The following ROBO2 variants were observed in gnomAD, a reference collection of about 807,000 sequenced individuals.
ROBO2 encodes the protein roundabout homolog 2.
In ROBO2, 53 loss-of-function variants were observed where a neutral mutation model predicts 160.8. That is an observed-to-expected ratio of 0.33 (90% CI 0.26 to 0.41). The LOEUF (loss-of-function observed/expected upper bound fraction) is 0.41. Ranked by LOEUF, ROBO2 falls within the 10% of genes least tolerant of loss-of-function variation. The pLI, the probability that ROBO2 is intolerant of heterozygous loss-of-function variation, is 1.00. For missense variants in ROBO2, 1,577 were observed against 1,722.4 expected (o/e 0.92, Z 1.49); for synonymous variants, 664 against 611.7 (o/e 1.09, Z -1.26).
rs185252484 is a variant in ROBO2, at chr3:76,021,138, G to A, written c.109+83536G>A. On this transcript the variant is annotated intron_variant, in intron 2 of 26. Coordinates refer to the ROBO2 transcript ENST00000487694. ...GCAAATTTCCAAAACAGAGAAAGAA[G>A]GGTAACAGTGTGAATCTCTCTATGA... Among the ~76,000 whole-genome samples the A allele has an allele frequency of 2.0e-4, 30 of 151,832 alleles. 1 individual carries two copies. The highest frequency in any genetic ancestry group is 7.0e-4 in the African/African-American group (29 of 41,510).
At chr3:77,446,297 GT>G (rs974615501) in intron 2 of ROBO2, among the ~76,000 whole-genome samples, 1 of 151,922 alleles carries the variant, frequency 6.6e-6, no homozygotes, top group Admixed American at 6.6e-5. Context: ...GACACAGGCA[GT>G]TTATATGCTC....
At chr3:77,330,976 T>C (rs1306197291) in intron 2 of ROBO2, among the ~76,000 whole-genome samples, 3 of 152,236 alleles carry the variant, frequency 2.0e-5, no homozygotes, top group Non-Finnish European at 1.5e-5. Flanking sequence ...AATCATATAG[T>C]ATTCTGTATG....
chr3:76,984,752 A>T (rs188252497), intron 2 of ROBO2, among the ~76,000 whole-genome samples: 11 of 152,170 alleles, frequency 7.2e-5, no homozygotes, highest in African/African-American at 2.2e-4. Flanking sequence ...TAGAAAAATT[A>T]AAAAAAATGA....
At chr3:76,499,739 A>G (rs966523734) in intron 2 of ROBO2, among the ~76,000 whole-genome samples, 3 of 152,222 alleles carry the variant, frequency 2.0e-5, no homozygotes, top group Non-Finnish European at 4.4e-5. Flanking sequence ...TTCAAAGAGT[A>G]TACATTAAAA....
At chr3:77,440,384 A>C (rs898645546) in intron 2 of ROBO2, among the ~76,000 whole-genome samples, 1 of 152,174 alleles carries the variant, frequency 6.6e-6, no homozygotes, top group Non-Finnish European at 1.5e-5. Context: ...TCTAAATAAA[A>C]GTTAAATCAC....
intron 2 of ROBO2, among the ~76,000 whole-genome samples, chr3:76,055,898 A>G (rs2067828450): frequency 6.6e-6 from 1 of 152,110 alleles, no homozygotes; most frequent in South Asian, 2.1e-4. Context: ...AGCTGGGACT[A>G]CAGGCATGCA....
intron 2 of ROBO2, among the ~76,000 whole-genome samples, chr3:77,127,753 T>C (rs1464589329): frequency 6.6e-6 from 1 of 152,198 alleles, no homozygotes; most frequent in Non-Finnish European, 1.5e-5. Flanking sequence ...CAGTTAAGGC[T>C]AAAGTTTTGA....
intron 2 of ROBO2, among the ~76,000 whole-genome samples, chr3:76,365,388 G>A (rs1162281659): frequency 2.6e-5 from 4 of 152,070 alleles, no homozygotes; most frequent in Non-Finnish European, 5.9e-5. Context: ...TAACAATCAT[G>A]TTTTGAAATT....
chr3:77,575,405 T>A (rs550138415), intron 14 of ROBO2, among the ~76,000 whole-genome samples: 2 of 152,256 alleles, frequency 1.3e-5, no homozygotes, highest in Admixed American at 6.5e-5. Context: ...TCCATTCTGC[T>A]TTTGTATTAA....
intron 2 of ROBO2, among the ~76,000 whole-genome samples, chr3:76,405,202 G>T (rs1253656646): frequency 6.6e-6 from 1 of 151,494 alleles, no homozygotes; most frequent in Non-Finnish European, 1.5e-5. Flanking sequence ...TGAGCCTTGG[G>T]AAAAATCCAG....
intron 2 of ROBO2, among the ~76,000 whole-genome samples, chr3:76,598,027 T>C (rs77957425): frequency 0.096 from 14,647 of 152,100 alleles, 938 homozygotes; most frequent in East Asian, 0.27. Flanking sequence ...TTTGATGTTT[T>C]TCAGTGGGTG....
At chr3:76,461,818 C>A (rs1559986953) in intron 2 of ROBO2, among the ~76,000 whole-genome samples, 1 of 152,076 alleles carries the variant, frequency 6.6e-6, no homozygotes, top group Admixed American at 6.6e-5. Context: ...AAATATTTTT[C>A]TTTTTGTGCC....
intron 2 of ROBO2, among the ~76,000 whole-genome samples, chr3:77,246,063 G>T (rs916999603): frequency 5.9e-5 from 9 of 152,154 alleles, no homozygotes; most frequent in African/African-American, 2.2e-4. Flanking sequence ...CTTAAAACAT[G>T]TAAACATAGT....
intron 2 of ROBO2, among the ~76,000 whole-genome samples, chr3:76,609,644 T>C (rs544080537): frequency 1.3e-5 from 2 of 152,196 alleles, no homozygotes; most frequent in Non-Finnish European, 2.9e-5. Flanking sequence ...TTTCCCAATA[T>C]AAGATCCTAT....
intron 2 of ROBO2, among the ~76,000 whole-genome samples, chr3:77,392,110 A>G (rs571293412): frequency 6.6e-6 from 1 of 152,310 alleles, no homozygotes; most frequent in East Asian, 1.9e-4. Flanking sequence ...AAGTATATTC[A>G]TCTATTCTTT....
intron 2 of ROBO2, among the ~76,000 whole-genome samples, chr3:76,993,594 A>G (rs1034470530): frequency 2.0e-5 from 3 of 152,154 alleles, no homozygotes; most frequent in African/African-American, 7.2e-5. Flanking sequence ...TCAGTCACTC[A>G]TAGGTAAGTG....
At chr3:76,176,829 C>T (rs1168581980) in intron 2 of ROBO2, among the ~76,000 whole-genome samples, 1 of 152,030 alleles carries the variant, frequency 6.6e-6, no homozygotes, top group African/African-American at 2.4e-5. Context: ...TTATAACCAT[C>T]CAATAATATG....
intron 2 of ROBO2, among the ~76,000 whole-genome samples, chr3:76,353,626 C>T (rs1231040797): frequency 6.6e-6 from 1 of 151,836 alleles, no homozygotes. Context: ...CTATACCTTC[C>T]TTTTTGTTCA....
intron 1 of ROBO2, among the ~76,000 whole-genome samples, chr3:77,094,488 A>G (rs1483303852): frequency 6.6e-6 from 1 of 152,128 alleles, no homozygotes; most frequent in Non-Finnish European, 1.5e-5. Flanking sequence ...TAATACTGCT[A>G]TGAATATTCA....
Sources: allele counts gnomAD v4.1 joint callset (sites outside exome capture counted in the v4.1 genomes callset), GRCh38; gene constraint gnomAD v4.1.1; transcripts MANE v1.5; gene names NCBI Gene and HGNC (gene_info 2026-07-23, HGNC 2026-07-21).